RELCH: variants seen among roughly 807,000 people sequenced by gnomAD.
RELCH encodes the protein RAB11 binding and LisH domain, coiled-coil and HEAT repeat containing, also known as RAB11-binding protein RELCH.
A neutral mutation model predicts 150.3 loss-of-function variants in RELCH; 41 were observed. The observed-to-expected ratio is 0.27, with a 90% CI of 0.21 to 0.35. The LOEUF (loss-of-function observed/expected upper bound fraction) is 0.35, where lower values mean the gene tolerates loss of function less well. Ranked by LOEUF, RELCH falls within the 10% of genes least tolerant of loss-of-function variation. The pLI is 1.00. For synonymous variants in RELCH, 478 were observed against 531.8 expected, an observed-to-expected ratio of 0.90 and a Z score of 1.39; for missense variants, 1,092 against 1,467.8, an observed-to-expected ratio of 0.74 and a Z score of 4.18.
At chr18:62,240,568 C>T (rs1031926235) in intron 10 of RELCH, among the ~76,000 whole-genome samples, 5 of 151,782 alleles carry the variant, frequency 3.3e-5, no homozygotes, top group Admixed American at 2.0e-4. Context: ...ACCACCACGC[C>T]CAGCTAATTT....
intron 2 of RELCH, among the ~76,000 whole-genome samples, chr18:62,213,839 T>C (rs1363531707): frequency 6.6e-6 from 1 of 151,972 alleles, no homozygotes; most frequent in Non-Finnish European, 1.5e-5. Context: ...CAAATTTCAC[T>C]GTGTACATAA....
At chr18:62,302,554 T>A (rs954260857) in intron 28 of RELCH, among the ~76,000 whole-genome samples, 9 of 152,194 alleles carry the variant, frequency 5.9e-5, no homozygotes, top group African/African-American at 2.2e-4. Context: ...AGAGTCTCAC[T>A]CTGTCTCCCA....
chr18:62,265,197 T>A (rs1299606370), intron 18 of RELCH, among the ~76,000 whole-genome samples: 3 of 152,076 alleles, frequency 2.0e-5, no homozygotes, highest in Admixed American at 2.0e-4. Context: ...TATCACAGGT[T>A]CAGGAAGCAG....
At chr18:62,193,772 T>G (rs986865136) in intron 1 of RELCH, among the ~76,000 whole-genome samples, 1 of 152,224 alleles carries the variant, frequency 6.6e-6, no homozygotes, top group Admixed American at 6.5e-5. Context: ...TGCCAGTATT[T>G]TATTGAGGAT....
At chr18:62,260,544 T>C (rs528903448) in intron 15 of RELCH, among the ~76,000 whole-genome samples, 1 of 151,960 alleles carries the variant, frequency 6.6e-6, no homozygotes, top group South Asian at 2.1e-4. Flanking sequence ...TGGGTATATA[T>C]CTAAAAGAAA....
At chr18:62,266,823 A>T in intron 19 of RELCH, 74 bp downstream of exon 19, 2 of 881,640 alleles carry the variant, frequency 2.3e-6, no homozygotes, top group Non-Finnish European at 3.6e-6. Context: ...TTCTCCATAT[A>T]TGTAAATTGT....
intron 16 of RELCH, 112 bp downstream of exon 16, chr18:62,261,770 T>A: frequency 1.2e-6 from 1 of 853,368 alleles, no homozygotes; most frequent in Admixed American, 2.8e-5. Flanking sequence ...GCATAATTTT[T>A]AAAATGTATT....
chr18:62,260,555 G>A (rs549242905), intron 15 of RELCH, among the ~76,000 whole-genome samples: 9 of 151,904 alleles, frequency 5.9e-5, no homozygotes, highest in African/African-American at 1.7e-4. Flanking sequence ...CTAAAAGAAA[G>A]GAAGTCAGTA....
intron 1 of RELCH, among the ~76,000 whole-genome samples, chr18:62,189,870 T>C (rs1171071015): frequency 6.6e-6 from 1 of 152,234 alleles, no homozygotes; most frequent in Admixed American, 6.5e-5. Flanking sequence ...AATATCACAA[T>C]TAAATATTCA....
chr18:62,240,141 A>G (rs1475300827), intron 10 of RELCH, among the ~76,000 whole-genome samples: 1 of 151,928 alleles, frequency 6.6e-6, no homozygotes, highest in Non-Finnish European at 1.5e-5. Context: ...ATATCACATT[A>G]TATTTGTATA....
At chr18:62,194,271 C>T (rs973950378) in intron 1 of RELCH, among the ~76,000 whole-genome samples, 11 of 152,078 alleles carry the variant, frequency 7.2e-5, no homozygotes, top group African/African-American at 1.7e-4. Context: ...AACAGTGTGT[C>T]TTGTGAACAA....
chr18:62,275,511 T>TG, intron 22 of RELCH, 38 bp downstream of exon 22: 1 of 1,359,154 alleles, frequency 7.4e-7, no homozygotes. Context: ...TCAATTATAA[T>TG]GATTTTTTTT....
chr18:62,208,403 T>C (rs537460536), intron 1 of RELCH, among the ~76,000 whole-genome samples: 15 of 152,154 alleles, frequency 9.9e-5, no homozygotes, highest in South Asian at 2.1e-4. Flanking sequence ...AGTTTATCAG[T>C]TCATTCCTTT....
At chr18:62,288,405 A>G (rs538189299) in intron 26 of RELCH, among the ~76,000 whole-genome samples, 2 of 152,284 alleles carry the variant, frequency 1.3e-5, no homozygotes, top group East Asian at 3.9e-4. Context: ...TAAATATGCC[A>G]TAAAATATTA....
At chr18:62,196,521 C>T (rs752845080) in intron 1 of RELCH, among the ~76,000 whole-genome samples, 9 of 152,230 alleles carry the variant, frequency 5.9e-5, no homozygotes, top group Non-Finnish European at 1.2e-4. Context: ...TGAGCCACTG[C>T]GCCCGGCCCC....
At chr18:62,261,754 A>C in intron 16 of RELCH, 96 bp downstream of exon 16, 1 of 1,038,228 alleles carries the variant, frequency 9.6e-7, no homozygotes, top group African/African-American at 1.6e-5. Flanking sequence ...ATCACTTTAT[A>C]TGACAGCATA....
intron 5 of RELCH, among the ~76,000 whole-genome samples, chr18:62,223,906 G>A (rs1461138261): frequency 6.6e-6 from 1 of 152,026 alleles, no homozygotes; most frequent in East Asian, 1.9e-4. Flanking sequence ...TAGAAATAGA[G>A]AGTCATTTCC....
In RELCH at chr18:62,264,783, T is replaced by G. The variant is rs2043460385; in HGVS notation, c.2562T>G (p.Cys854Trp). 6.2e-7 allele frequency: 1 copy of G among 1,608,372 alleles called. No individual in the cohort carries two copies. The highest frequency in any genetic ancestry group is 8.5e-7 in the Non-Finnish European group (1 of 1,176,428). The change falls in exon 18 of 29, where the codon TGT becomes TGG. Residue 854 changes from cysteine (C) to tryptophan (W), a missense_variant. Cys to Trp is a radical substitution (Grantham distance 215). This residue lies in a region of RELCH where 707 missense variants were observed against 1,025.4 expected (regional missense o/e 0.69). Transcript: ENST00000644646. ...VGKINVTSTA[C>W]VHEFSRFFWR... Reference sequence around the variant, plus strand: ...AAATTAATGTTACTTCAACTGCCTGTGTCCATGAATTCTCCAGATTTTTCT... The same window carrying G: ...AAATTAATGTTACTTCAACTGCCTGGGTCCATGAATTCTCCAGATTTTTCT...
intron 27 of RELCH, among the ~76,000 whole-genome samples, 165 bp downstream of exon 27, chr18:62,291,796 T>C (rs2045152267): frequency 6.6e-6 from 1 of 152,222 alleles, no homozygotes; most frequent in South Asian, 2.1e-4. Context: ...AGCAACTCCT[T>C]TCACATCTTT....
Sources: allele counts gnomAD v4.1 joint callset (sites outside exome capture counted in the v4.1 genomes callset), GRCh38; gene constraint gnomAD v4.1.1; regional missense constraint gnomAD v4.1.1; transcripts MANE v1.5; gene names NCBI Gene and HGNC (gene_info 2026-07-23, HGNC 2026-07-21).